Variants in COLEC10 observed in about 807,000 individuals in gnomAD.
COLEC10 encodes the protein collectin subfamily member 10, also known as collectin-10.
COLEC10 carries 22 observed loss-of-function variants against 28.4 expected under a neutral mutation model. The observed-to-expected ratio is 0.78, with a 90% confidence interval of 0.55 to 1.11. The LOEUF (loss-of-function observed/expected upper bound fraction) is 1.11, where lower values mean the gene tolerates loss of function less well. Ranked by LOEUF, COLEC10 falls within the 50% of genes least tolerant of loss-of-function variation. The pLI is 0.00. For missense variants in COLEC10, 361 were observed against 344.1 expected (o/e 1.05, Z -0.39); for synonymous variants, 125 against 116.1 (o/e 1.08, Z -0.49).
At chr8:119,035,515 G>C (rs893013009) in intron 2 of COLEC10, among the ~76,000 whole-genome samples, 3 of 152,012 alleles carry the variant, frequency 2.0e-5, no homozygotes, top group Admixed American at 1.3e-4. Context: ...AAAAGAAATA[G>C]TGTTATACAG....
At chr8:119,027,754 T>A (rs2130120917) in intron 2 of COLEC10, among the ~76,000 whole-genome samples, 1 of 152,312 alleles carries the variant, frequency 6.6e-6, no homozygotes, top group Admixed American at 6.5e-5. Context: ...CTGACTTATG[T>A]CTTTGAGTGC....
In COLEC10 at chr8:119,106,397, G is replaced by T. The variant is rs535589887; in HGVS notation, c.*206G>T. The stretch of plus-strand genomic sequence containing the variant: ...TGGTATATTATTGACCCAATAACTC[G>T]CCAGGTTACATGGGTCTTGAGAGAG... On this transcript the variant is annotated 3_prime_UTR_variant, in exon 6 of 6. Coordinates refer to ENST00000332843, the MANE Select transcript of COLEC10 (RefSeq NM_006438.5). The T allele has an allele frequency of 1.0e-3, 524 of 515,954 alleles. 1 individual carries two copies. The highest frequency in any genetic ancestry group is 1.6e-3 in the South Asian group (55 of 34,684). The allele number at this position is 515,954 out of a possible 1,614,324, so 32.0% of individuals were successfully genotyped here. A position where few individuals can be genotyped will look rare whatever the true frequency, so the allele number is the denominator to read the frequency against.
intron 1 of COLEC10, among the ~76,000 whole-genome samples, chr8:119,082,589 T>C (rs752733350): frequency 6.6e-6 from 1 of 152,120 alleles, no homozygotes; most frequent in Non-Finnish European, 1.5e-5. Flanking sequence ...GTTCTGACCA[T>C]TGAAGACGGA....
the COLEC10 span, among the ~76,000 whole-genome samples, chr8:118,971,458 T>A: frequency 7.2e-5 from 11 of 151,968 alleles, no homozygotes; most frequent in Non-Finnish European, 1.2e-4. Flanking sequence ...AACAATAGCT[T>A]ATTAAATCTT....
intron 4 of COLEC10, 125 bp downstream of exon 4, chr8:119,102,526 G>A (rs1266995522): frequency 1.3e-6 from 1 of 794,624 alleles, no homozygotes; most frequent in East Asian, 2.9e-5. Flanking sequence ...TTTTCCTCAG[G>A]CTAGAAGAAA....
intron 1 of COLEC10, among the ~76,000 whole-genome samples, chr8:119,076,421 C>T (rs866414058): frequency 6.6e-6 from 1 of 152,016 alleles, no homozygotes; most frequent in African/African-American, 2.4e-5. Context: ...GCCACCACAT[C>T]CAGCTAATTT....
chr8:119,032,237 G>T (rs1277607594), intron 2 of COLEC10, among the ~76,000 whole-genome samples: 1 of 152,216 alleles, frequency 6.6e-6, no homozygotes, highest in African/African-American at 2.4e-5. Context: ...AAGTTGAGGG[G>T]TGGGTTGCTA....
At chr8:119,036,277 A>C (rs1187390252) in intron 2 of COLEC10, among the ~76,000 whole-genome samples, 8 of 152,242 alleles carry the variant, frequency 5.3e-5, no homozygotes, top group African/African-American at 1.7e-4. Context: ...ACAGGTACAA[A>C]ACGTACTGTT....
chr8:118,996,610 G>A (rs1333809224), intron 1 of COLEC10, among the ~76,000 whole-genome samples: 3 of 152,104 alleles, frequency 2.0e-5, no homozygotes, highest in African/African-American at 7.2e-5. Context: ...GATTATTAGT[G>A]ACGTTGGGCA....
chr8:119,047,731 T>C (rs902459260), intron 2 of COLEC10, among the ~76,000 whole-genome samples: 1 of 151,866 alleles, frequency 6.6e-6, no homozygotes, highest in Non-Finnish European at 1.5e-5. Flanking sequence ...AAGTCTGAAA[T>C]GCCCTCTCTT....
At chr8:119,023,990 G>T (rs1351162606) in intron 2 of COLEC10, among the ~76,000 whole-genome samples, 1 of 152,118 alleles carries the variant, frequency 6.6e-6, no homozygotes, top group East Asian at 1.9e-4. Context: ...AGTTCCATTT[G>T]GCAGATACAT....
At chr8:119,025,266 C>G (rs1814169946) in intron 2 of COLEC10, among the ~76,000 whole-genome samples, 1 of 152,180 alleles carries the variant, frequency 6.6e-6, no homozygotes, top group Admixed American at 6.5e-5. Context: ...TTCCAGTCTT[C>G]AACATTTGCT....
chr8:118,990,530 G>A (rs564782122), upstream of COLEC10, among the ~76,000 whole-genome samples: 6 of 152,196 alleles, frequency 3.9e-5, no homozygotes, highest in South Asian at 6.2e-4. Context: ...ACAGTAATAC[G>A]TAAAATTACA....
upstream of COLEC10, among the ~76,000 whole-genome samples, chr8:118,994,664 A>T (rs1009026706): frequency 6.6e-6 from 1 of 152,114 alleles, no homozygotes; most frequent in Non-Finnish European, 1.5e-5. Flanking sequence ...TGGAGTCCTT[A>T]CTTGTTGATG....
the COLEC10 span, among the ~76,000 whole-genome samples, chr8:118,953,405 T>G: frequency 6.6e-6 from 1 of 152,206 alleles, no homozygotes; most frequent in Non-Finnish European, 1.5e-5. Flanking sequence ...AAACACAATA[T>G]AAATAGCAGT....
chr8:119,071,351 C>G (rs1039718552), intron 1 of COLEC10, among the ~76,000 whole-genome samples: 1 of 152,186 alleles, frequency 6.6e-6, no homozygotes, highest in Non-Finnish European at 1.5e-5. Flanking sequence ...CCTACAAGGT[C>G]TTGTTTCCAA....
chr8:119,003,009 A>C (rs1813728643), intron 1 of COLEC10, among the ~76,000 whole-genome samples: 1 of 152,122 alleles, frequency 6.6e-6, no homozygotes, highest in Non-Finnish European at 1.5e-5. Flanking sequence ...TTCCAATTGA[A>C]CTTGCACTTT....
chr8:119,036,512 G>A (rs1814392189), intron 2 of COLEC10, among the ~76,000 whole-genome samples: 1 of 152,150 alleles, frequency 6.6e-6, no homozygotes, highest in Non-Finnish European at 1.5e-5. Flanking sequence ...ACAGATATAA[G>A]TTCTAAGAGT....
chr8:119,080,851 A>C (rs1815353632), intron 1 of COLEC10, among the ~76,000 whole-genome samples: 1 of 152,100 alleles, frequency 6.6e-6, no homozygotes. Flanking sequence ...ACATACACAA[A>C]TATAATACTC....
Sources: gnomAD v4.1 joint callset for allele counts (sites outside exome capture counted in the v4.1 genomes callset) on GRCh38, gnomAD v4.1.1 for gene constraint, MANE v1.5 for transcripts, NCBI Gene and HGNC (gene_info 2026-07-23, HGNC 2026-07-21) for gene names.